DCC: variants seen among roughly 807,000 people sequenced by gnomAD.
DCC encodes netrin receptor DCC.
In DCC, 58 loss-of-function variants were observed where a neutral mutation model predicts 172.5. That is an observed-to-expected ratio of 0.34 (90% CI 0.27 to 0.42). The LOEUF (loss-of-function observed/expected upper bound fraction) is 0.42, where lower values mean the gene tolerates loss of function less well. DCC is among the 10% of genes least tolerant of loss of function. The probability of loss-of-function intolerance (pLI) is 1.00; values close to 1 mark genes in which losing one functional copy is unlikely to be tolerated. For missense variants in DCC, 1,740 were observed against 1,791.0 expected (o/e 0.97, Z 0.51); for synonymous variants, 709 against 644.5 (o/e 1.10, Z -1.52).
chr18:52,608,450 C>G (rs12455137), intron 1 of DCC, among the ~76,000 whole-genome samples: 3 of 152,108 alleles, frequency 2.0e-5, no homozygotes, highest in African/African-American at 7.2e-5. Context: ...AGAAGACGCT[C>G]TCTGAACCAA....
intron 8 of DCC, among the ~76,000 whole-genome samples, chr18:53,173,717 C>A (rs958096494): frequency 3.3e-5 from 5 of 149,952 alleles, no homozygotes; most frequent in African/African-American, 9.9e-5. Flanking sequence ...TAGACTCCCA[C>A]ACATTAATAA....
At chr18:52,992,872 G>A (rs117345122) in intron 5 of DCC, among the ~76,000 whole-genome samples, 2 of 151,932 alleles carry the variant, frequency 1.3e-5, no homozygotes, top group South Asian at 2.1e-4. Flanking sequence ...CAGCTACATC[G>A]GGAGGCTGAG....
intron 2 of DCC, among the ~76,000 whole-genome samples, chr18:52,855,957 G>T (rs191293291): frequency 6.6e-6 from 1 of 151,748 alleles, no homozygotes; most frequent in Non-Finnish European, 1.5e-5. Flanking sequence ...TAGAGACGGG[G>T]TTTTGCCATG....
chr18:52,498,175 C>A (rs895207276), intron 1 of DCC, among the ~76,000 whole-genome samples: 1 of 152,154 alleles, frequency 6.6e-6, no homozygotes, highest in African/African-American at 2.4e-5. Context: ...AACTCAAAGG[C>A]CACACAAGAA....
At chr18:52,938,459 CTAT>C (rs1307174604) in intron 5 of DCC, among the ~76,000 whole-genome samples, 5 of 151,996 alleles carry the variant, frequency 3.3e-5, no homozygotes, top group Admixed American at 2.6e-4. Flanking sequence ...GAAATATACA[CTAT>C]TATTATTTAA....
chr18:52,907,294 A>G (rs1435744364), intron 3 of DCC, among the ~76,000 whole-genome samples: 1 of 30,176 alleles, frequency 3.3e-5, no homozygotes, highest in Non-Finnish European at 1.0e-4. Flanking sequence ...GGATATATAC[A>G]TATGGATATA....
At chr18:53,309,934 ATATATATATACATG>A in intron 13 of DCC, among the ~76,000 whole-genome samples, 2 of 141,126 alleles carry the variant, frequency 1.4e-5, no homozygotes, top group African/African-American at 2.6e-5. Context: ...ATATATATAT[ATATATATATACATG>A]TATATATACG....
chr18:53,133,377 G>GT (rs1392913285), intron 7 of DCC, among the ~76,000 whole-genome samples: 1 of 152,116 alleles, frequency 6.6e-6, no homozygotes, highest in Non-Finnish European at 1.5e-5. Flanking sequence ...TACTGTTTTA[G>GT]TTTTTTTCCT....
chr18:53,069,716 A>G (rs2042626521), intron 7 of DCC, among the ~76,000 whole-genome samples: 1 of 152,218 alleles, frequency 6.6e-6, no homozygotes, highest in Non-Finnish European at 1.5e-5. Flanking sequence ...TTTATTCCAA[A>G]TCCATCCTCC....
intron 23 of DCC, among the ~76,000 whole-genome samples, chr18:53,458,346 T>C (rs1286096489): frequency 6.6e-6 from 1 of 152,212 alleles, no homozygotes; most frequent in African/African-American, 2.4e-5. Flanking sequence ...AATTCTGCCA[T>C]TGCAGTGCAA....
At chr18:53,074,927 C>G (rs892796151) in intron 7 of DCC, among the ~76,000 whole-genome samples, 8 of 152,112 alleles carry the variant, frequency 5.3e-5, no homozygotes, top group African/African-American at 1.7e-4. Flanking sequence ...AGATAATTGT[C>G]TCAAAGATTT....
intron 7 of DCC, among the ~76,000 whole-genome samples, chr18:53,143,593 C>G (rs1433568772): frequency 6.6e-6 from 1 of 152,156 alleles, no homozygotes; most frequent in Non-Finnish European, 1.5e-5. Context: ...CTTTAAATAT[C>G]ATGTTATGGT....
At chr18:53,219,253 C>A (rs974266758) in intron 12 of DCC, among the ~76,000 whole-genome samples, 35 of 152,234 alleles carry the variant, frequency 2.3e-4, no homozygotes, top group Admixed American at 2.2e-3. Flanking sequence ...AATGAGAGAG[C>A]TGGATAGAGA....
intron 21 of DCC, among the ~76,000 whole-genome samples, chr18:53,423,502 G>C (rs1420662863): frequency 6.6e-6 from 1 of 152,102 alleles, no homozygotes; most frequent in Non-Finnish European, 1.5e-5. Context: ...TGGAAAAAGT[G>C]CATTTTTCAC....
At chr18:53,268,608 T>A (rs2056710560) in intron 12 of DCC, among the ~76,000 whole-genome samples, 1 of 152,186 alleles carries the variant, frequency 6.6e-6, no homozygotes, top group African/African-American at 2.4e-5. Flanking sequence ...CCTTTGTTAT[T>A]TGGCCTTGAA....
At chr18:52,644,520 G>C (rs8085879) in intron 1 of DCC, among the ~76,000 whole-genome samples, 142,587 of 150,224 alleles carry the variant, frequency 0.95, 68,168 homozygotes, top group East Asian at 1. Context: ...CGGAGCTTGC[G>C]GTGAACCGAG....
chr18:53,127,771 G>A (rs72921410), intron 7 of DCC, among the ~76,000 whole-genome samples: 13,521 of 152,166 alleles, frequency 0.089, 764 homozygotes, highest in Non-Finnish European at 0.13. Context: ...CAGCTCACAA[G>A]CTGCACAGTG....
At chr18:52,668,674 A>G (rs1180132790) in intron 1 of DCC, among the ~76,000 whole-genome samples, 1 of 152,228 alleles carries the variant, frequency 6.6e-6, no homozygotes, top group Admixed American at 6.5e-5. Context: ...TTCTTTGTGA[A>G]CTTCTCAAAT....
chr18:52,805,408 G>A (rs1015010223), intron 2 of DCC, among the ~76,000 whole-genome samples: 1 of 152,270 alleles, frequency 6.6e-6, no homozygotes, highest in South Asian at 2.1e-4. Context: ...GAGAAGGTTA[G>A]ATGGTCTAGA....
Sources: allele counts gnomAD v4.1 joint callset (sites outside exome capture counted in the v4.1 genomes callset), GRCh38; gene constraint gnomAD v4.1.1; transcripts MANE v1.5; gene names NCBI Gene and HGNC (gene_info 2026-07-23, HGNC 2026-07-21).